MLLT10: variants seen among roughly 807,000 people sequenced by gnomAD.
The protein encoded by MLLT10 is protein AF-10.
In MLLT10, 30 loss-of-function variants were observed where a neutral mutation model predicts 129.1. The observed-to-expected ratio is 0.23, with a 90% confidence interval of 0.17 to 0.32. The LOEUF (loss-of-function observed/expected upper bound fraction) is 0.32, where lower values mean the gene tolerates loss of function less well. Among genes scored for constraint, MLLT10 ranks in the 10% least tolerant of loss-of-function variants. The pLI, the probability that MLLT10 is intolerant of heterozygous loss-of-function variation, is 1.00. For synonymous variants in MLLT10, 490 were observed against 446.4 expected (o/e 1.10, Z -1.23); for missense variants, 1,119 against 1,268.3 (o/e 0.88, Z 1.79).
chr10:21,687,306 A>C (rs1205633493), intron 13 of MLLT10, among the ~76,000 whole-genome samples: 1 of 152,186 alleles, frequency 6.6e-6, no homozygotes, highest in Non-Finnish European at 1.5e-5. Context: ...TTTGTCCTTC[A>C]TATGTGTCCC....
chr10:21,575,332 G>T (rs11597395), intron 3 of MLLT10, among the ~76,000 whole-genome samples: 1 of 151,986 alleles, frequency 6.6e-6, no homozygotes, highest in African/African-American at 2.4e-5. Flanking sequence ...GGGTAGCTTA[G>T]ATTACAGCCA....
intron 8 of MLLT10, among the ~76,000 whole-genome samples, chr10:21,619,521 G>A (rs536805733): frequency 3.0e-4 from 46 of 152,256 alleles, no homozygotes; most frequent in African/African-American, 1.1e-3. Context: ...ATGAAATTTT[G>A]TATTTTAAGA....
intron 3 of MLLT10, chr10:21,552,032 T>C (rs2037137625): frequency 8.6e-6 from 2 of 233,840 alleles, no homozygotes; most frequent in South Asian, 9.0e-5. Flanking sequence ...CCTCAGGTCA[T>C]CCTCCCACCT....
Position 21,718,868 on chromosome 10 carries a change from C to T in MLLT10, c.1878+4918C>T, listed in dbSNP as rs773940769. ...CCTCCTGAGTACCTGGGACTACACA[C>T]GTGCACCACCACGCCTGGCTAATTT... On this transcript the variant is annotated intron_variant, in intron 14 of 22. Coordinates refer to ENST00000307729, the MANE Select transcript of MLLT10 (RefSeq NM_001195626.3). Among the ~76,000 whole-genome samples, 9 of 152,266 alleles carry T rather than the reference C, an allele frequency of 5.9e-5. 1 individual carries two copies. Among genetic ancestry groups the T allele is most frequent in the Admixed American group, 3.9e-4 (6 of 15,306 alleles).
At chr10:21,684,648 G>C (rs1179128532) in intron 13 of MLLT10, among the ~76,000 whole-genome samples, 1 of 152,092 alleles carries the variant, frequency 6.6e-6, no homozygotes, top group Non-Finnish European at 1.5e-5. Flanking sequence ...CCCTTTTCTA[G>C]ATGCTACTAG....
At chr10:21,644,473 T>C (rs1235290697) in intron 8 of MLLT10, among the ~76,000 whole-genome samples, 1 of 152,084 alleles carries the variant, frequency 6.6e-6, no homozygotes, top group Non-Finnish European at 1.5e-5. Context: ...GGGCGCAGTA[T>C]AAGAGCTTGG....
At chr10:21,577,461 G>GTTTTT in intron 3 of MLLT10, among the ~76,000 whole-genome samples, 1 of 126,574 alleles carries the variant, frequency 7.9e-6, no homozygotes, top group Non-Finnish European at 1.7e-5. Context: ...ATAGATGAAG[G>GTTTTT]TTTTTTTTTT....
At chr10:21,537,153 G>T (rs142497598) in intron 2 of MLLT10, among the ~76,000 whole-genome samples, 1 of 152,286 alleles carries the variant, frequency 6.6e-6, no homozygotes, top group African/African-American at 2.4e-5. Context: ...GGGATTACAG[G>T]CATGAGCTGC....
intron 5 of MLLT10, among the ~76,000 whole-genome samples, chr10:21,610,392 G>A (rs996766556): frequency 2.0e-5 from 3 of 152,174 alleles, no homozygotes; most frequent in African/African-American, 7.2e-5. Context: ...ATCCAGAGTG[G>A]ACCATCTGTC....
intron 3 of MLLT10, among the ~76,000 whole-genome samples, chr10:21,554,821 T>C (rs150619097): frequency 0.028 from 4,261 of 151,640 alleles, 198 homozygotes; most frequent in African/African-American, 0.097. Flanking sequence ...TTTTTCTTTC[T>C]TTCTTTCTTT....
chr10:21,678,989 G>A (rs2052471035), intron 11 of MLLT10, among the ~76,000 whole-genome samples: 1 of 152,090 alleles, frequency 6.6e-6, no homozygotes, highest in Admixed American at 6.5e-5. Context: ...AGTTTTAATA[G>A]TAATCAAAAT....
intron 13 of MLLT10, among the ~76,000 whole-genome samples, chr10:21,699,022 G>A (rs112465117): frequency 0.014 from 2,143 of 152,170 alleles, 51 homozygotes; most frequent in African/African-American, 0.049. Flanking sequence ...TTACAGGCAC[G>A]TGCCATCATG....
At position 21,534,810 on chromosome 10, in the gene MLLT10, C is replaced by T. The variant is rs1390830881; in HGVS notation, c.160+6C>T. Reference sequence around the variant, plus strand: ...CAGCGTCGCGGTGCATCAAGGTAAACACCCAACCGCCCGCCGGGGCGCGCC... The same window carrying T: ...CAGCGTCGCGGTGCATCAAGGTAAATACCCAACCGCCCGCCGGGGCGCGCC... On this transcript the variant is annotated splice_donor_region_variant and intron_variant, in intron 2 of 22. Transcript: ENST00000307729. The T allele has an allele frequency of 6.3e-7, 1 of 1,590,086 alleles. No individual in the cohort carries two copies. Among genetic ancestry groups the T allele is most frequent in the Admixed American group, 1.7e-5 (1 of 57,952 alleles).
At chr10:21,719,271 T>C (rs532722413) in intron 14 of MLLT10, among the ~76,000 whole-genome samples, 1 of 152,180 alleles carries the variant, frequency 6.6e-6, no homozygotes, top group Non-Finnish European at 1.5e-5. Flanking sequence ...TGGGGTGATA[T>C]TTATGTTTAT....
chr10:21,556,926 A>G (rs1365022465), intron 3 of MLLT10: 90 of 1,549,670 alleles, frequency 5.8e-5, no homozygotes, highest in Non-Finnish European at 7.5e-5. Flanking sequence ...TGGCGTTTCA[A>G]GAAGGAGAGG....
intron 13 of MLLT10, among the ~76,000 whole-genome samples, chr10:21,696,848 C>G (rs1026693208): frequency 3.3e-5 from 5 of 152,012 alleles, no homozygotes; most frequent in African/African-American, 7.2e-5. Flanking sequence ...TGTTGTCTTT[C>G]AGGGCGTCGT....
intron 5 of MLLT10, among the ~76,000 whole-genome samples, chr10:21,603,727 T>G (rs1478738718): frequency 6.6e-6 from 1 of 152,144 alleles, no homozygotes; most frequent in East Asian, 1.9e-4. Flanking sequence ...AATCAAGATA[T>G]CAGCTGGGTG....
chr10:21,730,097 G>A (rs1318222325), intron 16 of MLLT10, among the ~76,000 whole-genome samples: 1 of 151,858 alleles, frequency 6.6e-6, no homozygotes, highest in East Asian at 1.9e-4. Context: ...GTGAAACTCC[G>A]TCTCCCCTGC....
chr10:21,700,033 T>A (rs2054751926), intron 13 of MLLT10, among the ~76,000 whole-genome samples: 1 of 152,146 alleles, frequency 6.6e-6, no homozygotes, highest in Admixed American at 6.6e-5. Context: ...TTTGTTTGTG[T>A]CCTTTTCAAT....
Sources: gnomAD v4.1 joint callset for allele counts (sites outside exome capture counted in the v4.1 genomes callset) on GRCh38, gnomAD v4.1.1 for gene constraint, MANE v1.5 for transcripts, NCBI Gene and HGNC (gene_info 2026-07-23, HGNC 2026-07-21) for gene names.